The following PRAMEF14 variants were observed in gnomAD, a reference collection of about 807,000 sequenced individuals.
PRAMEF14 encodes the protein PRAME family member 14.
A neutral mutation model predicts 38.3 loss-of-function variants in PRAMEF14; 24 were observed. That is an observed-to-expected ratio of 0.63 (90% CI 0.45 to 0.88). The LOEUF is 0.88. Ranked by LOEUF, PRAMEF14 falls within the 40% of genes least tolerant of loss-of-function variation. The pLI is 0.00. For synonymous variants in PRAMEF14, 194 were observed against 226.4 expected (o/e 0.86, Z 1.29); for missense variants, 477 against 570.8 (o/e 0.84, Z 1.67).
intron 1 of PRAMEF14, among the ~76,000 whole-genome samples, chr1:13,345,742 G>C (rs1196591026): frequency 4.6e-5 from 7 of 151,848 alleles, no homozygotes; most frequent in Non-Finnish European, 1.0e-4. Flanking sequence ...TGTGGCTCAT[G>C]TCTGTAATCC....
intron 2 of PRAMEF14, 23 bp from the exon 3 acceptor site, chr1:13,344,639 A>T: frequency 1.2e-6 from 2 of 1,600,016 alleles, no homozygotes; most frequent in Non-Finnish European, 1.7e-6. Flanking sequence ...TAAGGGAGAG[A>T]CTCAGAATTT....
rs1640352552 is a variant in PRAMEF14, at chr1:13,343,045, C to T, written c.908G>A (p.Gly303Asp). 17 of 1,612,096 alleles carry T rather than the reference C, an allele frequency of 1.1e-5. No homozygotes were observed. Among genetic ancestry groups the T allele is most frequent in the Non-Finnish European group, 1.4e-5 (16 of 1,179,348 alleles). The change falls in exon 4 of 4, where the codon GGC (glycine) becomes GAC (aspartate). Residue 303 changes from glycine (G) to aspartate (D), a missense_variant. Gly to Asp is a moderately conservative substitution (Grantham distance 94). Coordinates refer to ENST00000334600, the MANE Select transcript of PRAMEF14 (RefSeq NM_001024661.2). ...NPLENLELTY[G>D]YLLEEDMKCL... Reference sequence around the variant, plus strand: ...CTTCATGTCTTCTTCCAATAGGTAGCCATAAGTTAATTCCAAGTTCTCCAA... The same window carrying T: ...CTTCATGTCTTCTTCCAATAGGTAGTCATAAGTTAATTCCAAGTTCTCCAA...
chr1:13,343,217 G>T (rs1361982789), intron 3 of PRAMEF14, 131 bp from the exon 4 acceptor site: 14 of 659,784 alleles, frequency 2.1e-5, no homozygotes, highest in Admixed American at 1.5e-4. Flanking sequence ...CCTCATGGAA[G>T]TTGCTGCATG....
intron 3 of PRAMEF14, chr1:13,343,619 G>T (rs1470011740): frequency 7.6e-7 from 1 of 1,315,350 alleles, no homozygotes; most frequent in African/African-American, 1.5e-5. Flanking sequence ...AGGATCATTC[G>T]TGATCACTAA....
Position 13,342,453 on chromosome 1 carries a change from C to A in PRAMEF14, c.*75G>T, listed in dbSNP as rs1206915652. 8 of 1,572,060 alleles carry A rather than the reference C, an allele frequency of 5.1e-6. No homozygotes were observed. In the African/African-American group the frequency reaches 8.2e-5, roughly 16 times the overall value. ...AAGAAAAGAGAAAAATAGTTTGCAC[C>A]TACATAGTAGATTTTAGTGTCCCAG... is the stretch of plus-strand genomic sequence containing the variant. On this transcript the variant is annotated 3_prime_UTR_variant, in exon 4 of 4. Transcript: ENST00000334600.
rs2100350733 is a variant in PRAMEF14, at chr1:13,343,012, G to A, written c.941C>T (p.Ser314Phe). The A allele has an allele frequency of 6.2e-7, 1 of 1,611,706 alleles. No individual in the cohort carries two copies. The highest frequency in any genetic ancestry group is 2.3e-5 in the East Asian group (1 of 44,234). Residue 314 changes from serine (S) to phenylalanine (F), a missense_variant, in exon 4 of 4, where the codon TCC (serine) becomes TTC (phenylalanine). Around this residue, in one of 4 missense-constraint regions of PRAMEF14, gnomAD observed 34 missense variants for 66.1 expected, o/e 0.51. Transcript: ENST00000334600. ...TAGGTAACCGAGGCTTGGGTACTGG[G>A]AGAGACACTTCATGTCTTCTTCCAA... ...YLLEEDMKCLSQYPSLGYLKH... is the reference protein window; with the variant it reads ...YLLEEDMKCLFQYPSLGYLKH...
chr1:13,344,948 G>T lies in PRAMEF14; in HGVS notation c.287+80C>A. The T allele has an allele frequency of 1.3e-6, 2 of 1,513,072 alleles. 1 individual carries two copies. The allele number at this position is 1,513,072 out of a possible 1,614,324, so 93.7% of individuals were successfully genotyped here. On this transcript the variant is annotated intron_variant, in intron 2 of 3. Coordinates refer to ENST00000334600, the MANE Select transcript of PRAMEF14 (RefSeq NM_001024661.2). ...CATCAGAAGACTCTGGGCCACACTT[G>T]GGCTACTTCTCTGCCTGACCCTGCT...
In PRAMEF14 at chr1:13,342,681, A is replaced by G; in HGVS notation, c.1272T>C (p.Arg424=). Residue 424 remains arginine, a synonymous_variant, in exon 4 of 4, where the codon CGT becomes CGC. Coordinates refer to ENST00000334600, the MANE Select transcript of PRAMEF14 (RefSeq NM_001024661.2). ...APEESLNSLV[R]VDWEIFALLR... ...GTAGGGCGAAGATCTCCCAATCGAC[A>G]CGAACCAAGGAATTCAAACTCTCCT... 6.2e-7 allele frequency: 1 copy of G among 1,605,252 alleles called. No homozygotes were observed. Among genetic ancestry groups the G allele is most frequent in the Non-Finnish European group, 8.5e-7 (1 of 1,178,086 alleles).
intron 2 of PRAMEF14, 127 bp from the exon 3 acceptor site, chr1:13,344,743 A>G (rs1358838272): frequency 6.1e-6 from 9 of 1,468,350 alleles, no homozygotes; most frequent in South Asian, 2.6e-5. Flanking sequence ...TCTTTTCTCA[A>G]TCCCTGTTCC....
chr1:13,344,648 T>C (rs1238205123), intron 2 of PRAMEF14, 32 bp from the exon 3 acceptor site: 1 of 1,603,884 alleles, frequency 6.2e-7, no homozygotes, highest in East Asian at 2.4e-5. Context: ...GACTCAGAAT[T>C]TAGAAGGACT....
At chr1:13,343,192 C>G (rs1408232730) in intron 3 of PRAMEF14, 106 bp from the exon 4 acceptor site, 1 of 657,966 alleles carries the variant, frequency 1.5e-6, no homozygotes, top group Admixed American at 2.9e-5. Context: ...TTTGTTCCCA[C>G]CATCTGATGA....
In PRAMEF14 at chr1:13,343,045, C is replaced by A; in HGVS notation, c.908G>T (p.Gly303Val). ...NPLENLELTY[G>V]YLLEEDMKCL... is the part of the protein sequence containing the mutation. ...CTTCATGTCTTCTTCCAATAGGTAG[C>A]CATAAGTTAATTCCAAGTTCTCCAA... is the stretch of plus-strand genomic sequence containing the variant. The change falls in exon 4 of 4, where the codon GGC becomes GTC. Residue 303 changes from glycine (G) to valine (V), a missense_variant. Transcript: ENST00000334600. 10 of 1,612,096 alleles carry A rather than the reference C, an allele frequency of 6.2e-6. No homozygotes were observed. Among genetic ancestry groups the A allele is most frequent in the Non-Finnish European group, 8.5e-6 (10 of 1,179,348 alleles).
chr1:13,342,186 C>G lies in PRAMEF14; in HGVS notation c.*342G>C. The stretch of plus-strand genomic sequence containing the variant: ...ATTGATGTCACCTCAACATTTTCCT[C>G]CAGCCTTGCCCCCTGCTGTTATGTT... On this transcript the variant is annotated 3_prime_UTR_variant, in exon 4 of 4. Transcript: ENST00000334600. 3.1e-6 allele frequency: 1 copy of G among 326,380 alleles called. No individual in the cohort carries two copies. Among genetic ancestry groups the G allele is most frequent in the Non-Finnish European group, 5.6e-6 (1 of 177,630 alleles). The allele number at this position is 326,380 out of a possible 1,614,324, so 20.2% of individuals were successfully genotyped here. A position where few individuals can be genotyped will look rare whatever the true frequency, so the allele number is the denominator to read the frequency against.
At chr1:13,345,840 C>T (rs1640396114) in intron 1 of PRAMEF14, among the ~76,000 whole-genome samples, 2 of 151,840 alleles carry the variant, frequency 1.3e-5, no homozygotes, top group South Asian at 2.1e-4. Context: ...GATGTCTCTA[C>T]TAAATACAAA....
At position 13,344,576 on chromosome 1, in the gene PRAMEF14, C is replaced by T; in HGVS notation, c.328G>A (p.Glu110Lys). The T allele has an allele frequency of 6.2e-7, 1 of 1,604,050 alleles. No individual in the cohort carries two copies. The highest frequency in any genetic ancestry group is 8.5e-7 in the Non-Finnish European group (1 of 1,176,964). The change falls in exon 3 of 4, where the codon GAG (glutamate) becomes AAG (lysine). Residue 110 changes from glutamate to lysine, a missense_variant. By Grantham distance (56) the Glu-to-Lys change is moderately conservative. Transcript: ENST00000334600. ...CCAGGCCATCTGGCCCAGAAATTCT[C>T]ATCAACATCCCGCAAATCCAGCACT... ...LQVLDLRDVD[E>K]NFWARWPGAW...
At chr1:13,343,949 C>G in intron 3 of PRAMEF14, 89 bp downstream of exon 3, 2 of 1,580,130 alleles carry the variant, frequency 1.3e-6, no homozygotes, top group Non-Finnish European at 1.7e-6. Flanking sequence ...TTGCCACTGG[C>G]TGGCACACAG....
In PRAMEF14 at chr1:13,342,165, A is replaced by T; in HGVS notation, c.*363T>A. On this transcript the variant is annotated 3_prime_UTR_variant, in exon 4 of 4. Transcript: ENST00000334600. The stretch of plus-strand genomic sequence containing the variant: ...ACACGGGTCCCTGAAGTTCTCATTG[A>T]TGTCACCTCAACATTTTCCTCCAGC... 3.5e-6 allele frequency: 1 copy of T among 289,692 alleles called. No individual in the cohort carries two copies. Among genetic ancestry groups the T allele is most frequent in the Non-Finnish European group, 6.5e-6 (1 of 153,820 alleles). 17.9% of individuals were successfully genotyped at this position (289,692 alleles called of 1,614,324 possible).
chr1:13,342,528 C>T lies in PRAMEF14; in HGVS notation c.1425G>A (p.Ter475=). The T allele has an allele frequency of 1.2e-6, 2 of 1,604,944 alleles. No homozygotes were observed. The highest frequency in any genetic ancestry group is 1.7e-6 in the Non-Finnish European group (2 of 1,177,184). The part of the protein sequence containing the change: ...SEELELHLCC[*] ...CTCTACCCCGCTAGGCACGCCTTCC[C>T]TAGCAGCAAAGATGGAGCTCCAGTT... Residue 475 remains the stop codon, a stop_retained_variant, in exon 4 of 4, where the codon TAG becomes TAA. Coordinates refer to ENST00000334600, the MANE Select transcript of PRAMEF14 (RefSeq NM_001024661.2).
chr1:13,344,589 C>G lies in PRAMEF14; in HGVS notation c.315G>C (p.Leu105Phe), dbSNP rs1640377425. ...PRRWKLQVLD[L>F]RDVDENFWAR... ...CCCAGAAATTCTCATCAACATCCCG[C>G]AAATCCAGCACTTGAAGTTTCCACC... The change falls in exon 3 of 4, where the codon TTG (leucine) becomes TTC (phenylalanine). Residue 105 changes from leucine to phenylalanine, a missense_variant. Leu to Phe is a conservative substitution (Grantham distance 22, BLOSUM62 0). Coordinates refer to ENST00000334600, the MANE Select transcript of PRAMEF14 (RefSeq NM_001024661.2). The G allele has an allele frequency of 2.2e-5, 35 of 1,604,060 alleles. 2 individuals carry two copies. Among genetic ancestry groups the G allele is most frequent in the Non-Finnish European group, 3.0e-5 (35 of 1,176,982 alleles).
Sources: gnomAD v4.1 joint callset for allele counts (sites outside exome capture counted in the v4.1 genomes callset) on GRCh38, gnomAD v4.1.1 for gene constraint, gnomAD v4.1.1 regional missense constraint, MANE v1.5 for transcripts, NCBI Gene and HGNC (gene_info 2026-07-23, HGNC 2026-07-21) for gene names.